The following ST6GALNAC3 variants were observed in gnomAD, a reference collection of about 807,000 sequenced individuals.
The protein encoded by ST6GALNAC3 is alpha-N-acetylgalactosaminide alpha-2,6-sialyltransferase 3.
A neutral mutation model predicts 32.7 loss-of-function variants in ST6GALNAC3; 25 were observed. That is an observed-to-expected ratio of 0.76 (90% confidence interval 0.56 to 1.07). The LOEUF is 1.07. Among genes scored for constraint, ST6GALNAC3 ranks in the 50% least tolerant of loss-of-function variants. The pLI, the probability that ST6GALNAC3 is intolerant of heterozygous loss-of-function variation, is 0.00. For synonymous variants in ST6GALNAC3, 129 were observed against 133.1 expected (o/e 0.97, Z 0.21); for missense variants, 355 against 382.4 (o/e 0.93, Z 0.60).
intron 3 of ST6GALNAC3, among the ~76,000 whole-genome samples, chr1:76,613,522 A>G (rs1165621253): frequency 6.6e-6 from 1 of 152,204 alleles, no homozygotes; most frequent in African/African-American, 2.4e-5. Flanking sequence ...TCTGTGAGGG[A>G]TATGGTTTGG....
intron 3 of ST6GALNAC3, among the ~76,000 whole-genome samples, chr1:76,414,064 T>G (rs991866071): frequency 6.6e-5 from 10 of 152,044 alleles, no homozygotes; most frequent in African/African-American, 2.4e-4. Flanking sequence ...ACTTTTGCCG[T>G]GAGCTTTGAG....
At position 76,266,576 on chromosome 1, in the gene ST6GALNAC3, A is replaced by T. The variant is rs191701811; in HGVS notation, c.19-47229A>T. Among the ~76,000 whole-genome samples the T allele has an allele frequency of 1.9e-3, 288 of 152,276 alleles. 3 individuals are homozygous for T. The highest frequency in any genetic ancestry group is 6.8e-3 in the African/African-American group (284 of 41,550). ...AGTAACATTCTCTAAAGCCTAGAGG[A>T]TGGAACTTGATCTCTAGGGATAAAA... On this transcript the variant is annotated intron_variant, in intron 1 of 4. Coordinates refer to ENST00000328299, the MANE Select transcript of ST6GALNAC3 (RefSeq NM_152996.4).
At chr1:76,102,141 T>C (rs1206363190) in intron 1 of ST6GALNAC3, among the ~76,000 whole-genome samples, 2 of 152,154 alleles carry the variant, frequency 1.3e-5, no homozygotes, top group Non-Finnish European at 2.9e-5. Flanking sequence ...GGATCTTCCA[T>C]ATACCTAGTA....
rs76595361 is a variant in ST6GALNAC3 at position 76,335,457 on chromosome 1, A to T, written c.213+21458A>T. Among the ~76,000 whole-genome samples the T allele has an allele frequency of 1.4e-3, 209 of 145,662 alleles. 1 individual carries two copies. Among genetic ancestry groups the T allele is most frequent in the African/African-American group, 2.3e-3 (91 of 39,840 alleles). ...CACACACACACACACACACACACAC[A>T]CTCACACTCAGTCAGATTGGGACCA... On this transcript the variant is annotated intron_variant, in intron 2 of 4. Transcript: ENST00000328299.
chr1:76,113,947 C>T (rs1460086523), intron 1 of ST6GALNAC3, among the ~76,000 whole-genome samples: 3 of 151,592 alleles, frequency 2.0e-5, no homozygotes, highest in Admixed American at 6.6e-5. Flanking sequence ...GCCTCAACCT[C>T]CTGAGTAGCT....
chr1:76,427,782 A>G (rs1655495266), intron 3 of ST6GALNAC3, among the ~76,000 whole-genome samples: 1 of 152,142 alleles, frequency 6.6e-6, no homozygotes, highest in Non-Finnish European at 1.5e-5. Flanking sequence ...AGACAGATAT[A>G]GTTTCACAGG....
intron 3 of ST6GALNAC3, among the ~76,000 whole-genome samples, chr1:76,457,274 C>T (rs959828859): frequency 6.6e-5 from 10 of 152,190 alleles, no homozygotes; most frequent in African/African-American, 2.4e-4. Flanking sequence ...AATGGCCATA[C>T]TGCCCAAGGT....
At chr1:76,218,746 ATT>A (rs1002663971) in intron 1 of ST6GALNAC3, among the ~76,000 whole-genome samples, 26 of 152,306 alleles carry the variant, frequency 1.7e-4, no homozygotes, top group African/African-American at 6.0e-4. Context: ...AGATGTATGA[ATT>A]AAGAGCAAAG....
chr1:76,337,649 A>G (rs1455133655), intron 2 of ST6GALNAC3, among the ~76,000 whole-genome samples: 1 of 152,140 alleles, frequency 6.6e-6, no homozygotes, highest in Non-Finnish European at 1.5e-5. Context: ...GGCCCAGTCC[A>G]GACCTATGGA....
At chr1:76,595,269 T>A (rs751005471) in intron 3 of ST6GALNAC3, among the ~76,000 whole-genome samples, 1 of 152,158 alleles carries the variant, frequency 6.6e-6, no homozygotes, top group Non-Finnish European at 1.5e-5. Flanking sequence ...AGTCTTGTGC[T>A]GGCATGGTCA....
At position 76,493,008 on chromosome 1, in the gene ST6GALNAC3, A is replaced by C. The variant is rs537041831; in HGVS notation, c.623+80591A>C. Among the ~76,000 whole-genome samples the C allele has an allele frequency of 6.1e-4, 92 of 151,754 alleles. 1 individual carries two copies. Among genetic ancestry groups the C allele is most frequent in the African/African-American group, 1.8e-3 (76 of 41,332 alleles). ...GCCTAGAAGGAGAAAGAGGAAGGACATGAAACAAAGAGTTGACACCTTCTT... is the reference window on the plus strand; with the variant it reads ...GCCTAGAAGGAGAAAGAGGAAGGACCTGAAACAAAGAGTTGACACCTTCTT... On this transcript the variant is annotated intron_variant, in intron 3 of 4. Transcript: ENST00000328299.
At chr1:76,450,502 C>T (rs376665391) in intron 3 of ST6GALNAC3, among the ~76,000 whole-genome samples, 11 of 152,138 alleles carry the variant, frequency 7.2e-5, no homozygotes, top group East Asian at 5.8e-4. Flanking sequence ...TGAAGATTTT[C>T]TCCCACTCTA....
At chr1:76,236,068 C>G (rs1656638306) in intron 1 of ST6GALNAC3, among the ~76,000 whole-genome samples, 1 of 151,998 alleles carries the variant, frequency 6.6e-6, no homozygotes. Context: ...CTCTGCCTCC[C>G]AGGCTGAAGC....
intron 3 of ST6GALNAC3, among the ~76,000 whole-genome samples, chr1:76,442,963 T>C (rs768921003): frequency 2.9e-4 from 44 of 152,362 alleles, no homozygotes; most frequent in Middle Eastern, 3.4e-3. Flanking sequence ...TCTTTACTTT[T>C]CACTCTTTAA....
chr1:76,150,117 C>T (rs72992695), intron 1 of ST6GALNAC3, among the ~76,000 whole-genome samples: 2,431 of 152,272 alleles, frequency 0.016, 58 homozygotes, highest in African/African-American at 0.056. Flanking sequence ...AGAAAGCAAA[C>T]CTAGACTGTC....
intron 1 of ST6GALNAC3, among the ~76,000 whole-genome samples, chr1:76,295,465 C>T (rs999860154): frequency 2.0e-5 from 3 of 151,986 alleles, no homozygotes; most frequent in South Asian, 4.2e-4. Flanking sequence ...AAATTGTTTC[C>T]CTAGTGATGT....
intron 1 of ST6GALNAC3, among the ~76,000 whole-genome samples, chr1:76,163,222 A>G (rs959395926): frequency 6.6e-6 from 1 of 152,212 alleles, no homozygotes; most frequent in Non-Finnish European, 1.5e-5. Flanking sequence ...TGATTTTAAA[A>G]GTTGTTCTTG....
At chr1:76,185,711 A>T (rs72674479) in intron 1 of ST6GALNAC3, among the ~76,000 whole-genome samples, 6,114 of 152,226 alleles carry the variant, frequency 0.04, 289 homozygotes, top group African/African-American at 0.11. Flanking sequence ...GGACACAGAG[A>T]CGAACAGACC....
chr1:76,196,169 G>A (rs975754271), intron 1 of ST6GALNAC3, among the ~76,000 whole-genome samples: 10 of 152,282 alleles, frequency 6.6e-5, no homozygotes, highest in Middle Eastern at 3.4e-3. Flanking sequence ...TGAAAATGGA[G>A]TTTTGCTCTA....
Sources: gnomAD v4.1 joint callset for allele counts (sites outside exome capture counted in the v4.1 genomes callset) on GRCh38, gnomAD v4.1.1 for gene constraint, MANE v1.5 for transcripts, NCBI Gene and HGNC (gene_info 2026-07-23, HGNC 2026-07-21) for gene names.